Variants in NCOR2 observed in about 807,000 individuals in gnomAD.
NCOR2 encodes the protein nuclear receptor corepressor 2, also known as CTG repeat protein 26.
In NCOR2, 81 loss-of-function variants were observed where a neutral mutation model predicts 262.9. That is an observed-to-expected ratio of 0.31 (90% confidence interval 0.26 to 0.37). NCOR2 has a LOEUF of 0.37. NCOR2 is among the 10% of genes least tolerant of loss of function. NCOR2 has a pLI of 1.00. For synonymous variants in NCOR2, 1,659 were observed against 1,559.3 expected (o/e 1.06, Z -1.51); for missense variants, 3,385 against 3,621.4 (o/e 0.93, Z 1.68).
At chr12:124,410,582 G>C (rs2042521499) in intron 13 of NCOR2, among the ~76,000 whole-genome samples, 1 of 151,984 alleles carries the variant, frequency 6.6e-6, no homozygotes, top group Non-Finnish European at 1.5e-5. Flanking sequence ...AAGGCTGTGG[G>C]CCCATCCTGG....
chr12:124,521,874 C>A (rs1030162400), intron 1 of NCOR2, among the ~76,000 whole-genome samples: 8 of 152,124 alleles, frequency 5.3e-5, no homozygotes, highest in Admixed American at 4.6e-4. Flanking sequence ...AAAATTCAGT[C>A]AGGTGTGGTG....
chr12:124,505,410 C>G (rs376270847), intron 1 of NCOR2, among the ~76,000 whole-genome samples: 2 of 152,218 alleles, frequency 1.3e-5, no homozygotes, highest in Non-Finnish European at 2.9e-5. Context: ...CAGTTTTAGC[C>G]GCACCTGTAG....
rs2137249735 is a variant in NCOR2, at chr12:124,548,639, C to T, written c.-164-13028G>A. 6.6e-6 allele frequency among the ~76,000 whole-genome samples: 1 copy of T among 152,162 alleles called. No individual in the cohort carries two copies. Among genetic ancestry groups the T allele is most frequent in the Admixed American group, 6.5e-5 (1 of 15,282 alleles). The stretch of plus-strand genomic sequence containing the variant: ...ATAACAGCATATTATCTTTACTGTT[C>T]CTGTTATTTTTTTCTGTGCTGTTAG... On this transcript the variant is annotated intron_variant, in intron 1 of 32. Coordinates refer to the NCOR2 transcript ENST00000458234. This position sits in a 1 kb window ranked among gnomAD's most constrained non-coding sequence, Gnocchi z 5.1.
chr12:124,558,071 T>C (rs1025931595), intron 1 of NCOR2, among the ~76,000 whole-genome samples: 2 of 152,014 alleles, frequency 1.3e-5, no homozygotes, highest in African/African-American at 4.8e-5. Flanking sequence ...CAGGTTCCCA[T>C]GGTCACCGAG....
In NCOR2 at chr12:124,396,698, G is replaced by A. The variant is rs569824229; in HGVS notation, c.1876+1421C>T. On this transcript the variant is annotated intron_variant, in intron 16 of 46. Transcript: ENST00000405201. ...GGGGGGCGGAGGGCAGACTGCCCCC[G>A]GAGGAGCTCTGAGGGCGAGGGGCAG... 2.0e-4 allele frequency among the ~76,000 whole-genome samples: 31 copies of A among 152,224 alleles called. 2 individuals are homozygous for A. The South Asian group carries it at 2.5e-3, about 12-fold the overall frequency.
chr12:124,561,549 G>A (rs117231757), intron 1 of NCOR2, among the ~76,000 whole-genome samples: 7,549 of 152,246 alleles, frequency 0.05, 274 homozygotes, highest in Admixed American at 0.082. Context: ...CCCAGAGGCC[G>A]GTGGGAGAGG....
chr12:124,560,481 G>T (rs1481975181), intron 1 of NCOR2, among the ~76,000 whole-genome samples: 1 of 152,248 alleles, frequency 6.6e-6, no homozygotes, highest in Non-Finnish European at 1.5e-5. Context: ...ACAGAAACAG[G>T]TGGTGGGCTG....
chr12:124,559,280 A>G (rs1233110583), intron 1 of NCOR2, among the ~76,000 whole-genome samples: 1 of 152,224 alleles, frequency 6.6e-6, no homozygotes, highest in Non-Finnish European at 1.5e-5. Context: ...CCTTGGCTTC[A>G]GACGCACTTG....
At chr12:124,556,699 A>C (rs2051893187) in intron 1 of NCOR2, among the ~76,000 whole-genome samples, 1 of 152,162 alleles carries the variant, frequency 6.6e-6, no homozygotes, top group Non-Finnish European at 1.5e-5. Flanking sequence ...ATCTCTACTA[A>C]AAATACAAAA....
chr12:124,442,167 A>G (rs1439457946), intron 7 of NCOR2, among the ~76,000 whole-genome samples: 1 of 152,202 alleles, frequency 6.6e-6, no homozygotes, highest in Non-Finnish European at 1.5e-5. Flanking sequence ...TTTTAGAGAC[A>G]GGGTCTTACT....
intron 1 of NCOR2, among the ~76,000 whole-genome samples, chr12:124,518,895 G>C (rs372370586): frequency 6.6e-6 from 1 of 152,194 alleles, no homozygotes; most frequent in Non-Finnish European, 1.5e-5. Flanking sequence ...GCCTGGTTCC[G>C]AACCCAGGCC....
chr12:124,359,729 G>A lies in NCOR2; in HGVS notation c.3100+2397C>T, dbSNP rs1027790700. On this transcript the variant is annotated intron_variant, in intron 22 of 46. Transcript: ENST00000405201. ...GGAAGGCAAACTGGGGCTAGGCCAG[G>A]CTGGGCGGGCGGCCGAGAGCCTGGA... Among the ~76,000 whole-genome samples, 5 of 152,264 alleles carry A rather than the reference G, an allele frequency of 3.3e-5. No homozygotes were observed. The East Asian group carries it at 9.6e-4, about 29-fold the overall frequency.
intron 8 of NCOR2, among the ~76,000 whole-genome samples, chr12:124,436,162 G>T (rs994008681): frequency 1.3e-5 from 2 of 152,234 alleles, no homozygotes; most frequent in African/African-American, 4.8e-5. Context: ...AAAGGCACTG[G>T]ATCAGCTAAC....
At position 124,466,356 on chromosome 12, in the gene NCOR2, C is replaced by T. The variant is rs565757835; in HGVS notation, c.592-70G>A. ...GGAAGGAGGGCTGCAGCCCCCAGGGCGCGGGGAGGCCCCCTTGCAGCCCGG... is the reference window on the plus strand; with the variant it reads ...GGAAGGAGGGCTGCAGCCCCCAGGGTGCGGGGAGGCCCCCTTGCAGCCCGG... On this transcript the variant is annotated intron_variant, in intron 4 of 46. Transcript: ENST00000405201. 671 of 1,429,876 alleles carry T rather than the reference C, an allele frequency of 4.7e-4. 9 individuals are homozygous for T. In the South Asian group the frequency reaches 6.5e-3, roughly 14 times the overall value. The allele number at this position is 1,429,876 out of a possible 1,614,324, so 88.6% of individuals were successfully genotyped here.
At chr12:124,460,041 AC>A (rs2046083523) in intron 5 of NCOR2, among the ~76,000 whole-genome samples, 1 of 150,978 alleles carries the variant, frequency 6.6e-6, no homozygotes, top group African/African-American at 2.4e-5. Context: ...GCCTTCCCTG[AC>A]CCCCCGCAGC....
rs543189343 is a variant in NCOR2, at chr12:124,388,160, C to A, written c.1877-2273G>T. On this transcript the variant is annotated intron_variant, in intron 16 of 46. Coordinates refer to ENST00000405201, the Ensembl canonical transcript of NCOR2. ...GGAGCTGGGCAGAGTCATCCAGGCG[C>A]CTGGCCAGAGCTCGCTAGCAGTCTT... 2.6e-5 allele frequency among the ~76,000 whole-genome samples: 4 copies of A among 152,242 alleles called. No individual in the cohort carries two copies. In the South Asian group the frequency reaches 8.3e-4, roughly 32 times the overall value.
chr12:124,397,241 G>A (rs764301716), intron 16 of NCOR2, among the ~76,000 whole-genome samples: 172 of 152,194 alleles, frequency 1.1e-3, no homozygotes, highest in Non-Finnish European at 1.9e-3. Flanking sequence ...GGCCAGGCAC[G>A]GCCGAGGGAG....
intron 16 of NCOR2, among the ~76,000 whole-genome samples, chr12:124,393,150 A>C (rs183142445): frequency 6.6e-6 from 1 of 152,366 alleles, no homozygotes; most frequent in Non-Finnish European, 1.5e-5. Context: ...CCTCTCGCAC[A>C]GCTGGGTCAG....
intron 1 of NCOR2, among the ~76,000 whole-genome samples, chr12:124,493,064 G>C (rs1442492466): frequency 6.6e-6 from 1 of 152,264 alleles, no homozygotes; most frequent in East Asian, 1.9e-4. Context: ...CTCCTGCCTG[G>C]AGGGGGCGGT....
Sources: gnomAD v4.1 joint callset for allele counts (sites outside exome capture counted in the v4.1 genomes callset) on GRCh38, gnomAD v4.1.1 for gene constraint, Gnocchi (gnomAD v3.1) non-coding constraint, MANE v1.5 for transcripts, NCBI Gene and HGNC (gene_info 2026-07-23, HGNC 2026-07-21) for gene names.